The following RECK variants were observed in gnomAD, a reference collection of about 807,000 sequenced individuals.
RECK encodes the protein reversion inducing cysteine rich protein with kazal motifs, also known as reversion-inducing cysteine-rich protein with Kazal motifs.
A neutral mutation model predicts 115.1 loss-of-function variants in RECK; 69 were observed. That is an observed-to-expected ratio of 0.60 (90% CI 0.49 to 0.73). The LOEUF is 0.73. Ranked by LOEUF, RECK falls within the 30% of genes least tolerant of loss-of-function variation. The pLI is 0.00. For missense variants in RECK, 1,047 were observed against 1,203.7 expected (o/e 0.87, Z 1.93); for synonymous variants, 414 against 419.7 (o/e 0.99, Z 0.17).
intron 19 of RECK, 26 bp from the exon 20 acceptor site, chr9:36,121,507 A>G (rs767614605): frequency 5.0e-6 from 8 of 1,598,656 alleles, no homozygotes; most frequent in South Asian, 2.2e-5. Flanking sequence ...TCTTTTTTTC[A>G]GGTAATACAT....
intron 12 of RECK, among the ~76,000 whole-genome samples, chr9:36,104,193 A>G (rs1823669161): frequency 6.8e-6 from 1 of 147,236 alleles, no homozygotes; most frequent in Admixed American, 6.9e-5. Context: ...TATACCTGTC[A>G]TTTTTTATCC....
rs745747445 is a variant in RECK, at chr9:36,122,816, C to T, written c.2695-8C>T. ...TTTATATTAAGGGAACCTTGTTTCT[C>T]CTCACAGATTGAAGCCTGCAATAAA... On this transcript the variant is annotated splice_region_variant and splice_polypyrimidine_tract_variant and intron_variant, in intron 20 of 20. Transcript: ENST00000377966. 1 of 1,610,576 alleles carries T rather than the reference C, an allele frequency of 6.2e-7. No individual in the cohort carries two copies. The highest frequency in any genetic ancestry group is 1.1e-5 in the South Asian group (1 of 90,916).
intron 6 of RECK, among the ~76,000 whole-genome samples, chr9:36,068,253 A>G (rs1264788453): frequency 6.6e-6 from 1 of 152,252 alleles, no homozygotes. Context: ...GACTAGGATA[A>G]TAGTAATAGA....
rs753047480 is a variant in RECK, at chr9:36,109,966, C to G, written c.1775C>G (p.Thr592Arg). The change falls in exon 15 of 21, where the codon ACA becomes AGA. Residue 592 changes from threonine (T) to arginine (R), a missense_variant. Thr to Arg is a moderately conservative substitution (Grantham distance 71). Coordinates refer to ENST00000377966, the MANE Select transcript of RECK (RefSeq NM_021111.3). ...TTTCTGTTTCTGTCAGGTCATGGAACATCCTTTAGTATTGACTGCAATGTC... is the reference window on the plus strand; with the variant it reads ...TTTCTGTTTCTGTCAGGTCATGGAAGATCCTTTAGTATTGACTGCAATGTC... ...IVGGKRKSHG[T>R]SFSIDCNVCS... The G allele has an allele frequency of 6.2e-7, 1 of 1,612,064 alleles. No individual in the cohort carries two copies. Among genetic ancestry groups the G allele is most frequent in the Non-Finnish European group, 8.5e-7 (1 of 1,178,212 alleles).
chr9:36,112,578 G>A (rs1824099721), intron 16 of RECK, 102 bp downstream of exon 16: 11 of 1,240,144 alleles, frequency 8.9e-6, no homozygotes, highest in Admixed American at 6.2e-5. Flanking sequence ...TTAAGAAATC[G>A]CTGCTGCCCT....
intron 17 of RECK, among the ~76,000 whole-genome samples, chr9:36,118,085 G>A (rs10972732): frequency 0.074 from 11,258 of 152,268 alleles, 516 homozygotes; most frequent in South Asian, 0.18. Context: ...CCTAGCATCC[G>A]CTGCCCACAA....
intron 3 of RECK, among the ~76,000 whole-genome samples, chr9:36,059,387 C>T (rs61358051): frequency 0.014 from 2,051 of 150,290 alleles, 43 homozygotes; most frequent in African/African-American, 0.048. Flanking sequence ...ACCCAGGAGG[C>T]GGAGGTTGCA....
rs1588308379 is a variant in RECK at position 36,083,404 on chromosome 9, A to G, written c.479A>G (p.Asn160Ser). Residue 160 changes from asparagine (N) to serine (S), a missense_variant, in exon 8 of 21, where the codon AAC (asparagine) becomes AGC (serine). Physicochemically the swap from Asn to Ser is conservative, Grantham distance 46. Coordinates refer to ENST00000377966, the MANE Select transcript of RECK (RefSeq NM_021111.3). ...TGCAGTTATGCAGGTCATCACACAA[A>G]CTGCCGAGAATACTGTCAAGCCATT... ...VCCSYAGHHT[N>S]CREYCQAIFR... The G allele has an allele frequency of 6.2e-7, 1 of 1,613,878 alleles. No homozygotes were observed. Among genetic ancestry groups the G allele is most frequent in the African/African-American group, 1.3e-5 (1 of 74,890 alleles).
intron 6 of RECK, among the ~76,000 whole-genome samples, chr9:36,074,821 G>A (rs1564114242): frequency 6.6e-6 from 1 of 152,150 alleles, no homozygotes; most frequent in Non-Finnish European, 1.5e-5. Context: ...ATGTTGTATA[G>A]TAAACCATCC....
In RECK at chr9:36,083,526, T is replaced by A. The variant is rs1300781910; in HGVS notation, c.601T>A (p.Tyr201Asn). 1.2e-6 allele frequency: 2 copies of A among 1,613,756 alleles called. No homozygotes were observed. The highest frequency in any genetic ancestry group is 1.7e-6 in the Non-Finnish European group (2 of 1,179,876). Residue 201 changes from tyrosine (Y) to asparagine (N), a missense_variant, in exon 8 of 21, where the codon TAT (tyrosine) becomes AAT (asparagine). Transcript: ENST00000377966. ...SPQLIHCVNN[Y>N]TQSYPMRNPT... ...ACAATTAATACATTGTGTGAACAAT[T>A]ATACTCAATCTTATCCAATGAGGAA...
At chr9:36,065,522 C>T in intron 5 of RECK, 55 bp from the exon 6 acceptor site, 2 of 1,339,262 alleles carry the variant, frequency 1.5e-6, no homozygotes, top group Non-Finnish European at 2.0e-6. Flanking sequence ...GTTCTTTTTG[C>T]CCTGTGCTGA....
intron 16 of RECK, among the ~76,000 whole-genome samples, chr9:36,116,529 C>T (rs978495593): frequency 1.2e-4 from 18 of 152,250 alleles, no homozygotes; most frequent in African/African-American, 4.3e-4. Context: ...CCTCAGGCTC[C>T]AGCCTATCTC....
At chr9:36,092,468 T>G (rs1430885305) in intron 10 of RECK, among the ~76,000 whole-genome samples, 1 of 151,832 alleles carries the variant, frequency 6.6e-6, no homozygotes, top group Non-Finnish European at 1.5e-5. Flanking sequence ...GCCTCCTGGA[T>G]TCAAGCAATT....
intron 2 of RECK, among the ~76,000 whole-genome samples, chr9:36,058,181 C>T (rs867179068): frequency 6.6e-6 from 1 of 152,002 alleles, no homozygotes; most frequent in Non-Finnish European, 1.5e-5. Flanking sequence ...ATAAATCATG[C>T]TGCTATAAAG....
chr9:36,079,683 T>C (rs1248765592), intron 6 of RECK, among the ~76,000 whole-genome samples: 1 of 152,174 alleles, frequency 6.6e-6, no homozygotes, highest in African/African-American at 2.4e-5. Context: ...CAAAATCGTC[T>C]CGTTTCAACA....
In RECK at chr9:36,044,225, T is replaced by A. The variant is rs184027258; in HGVS notation, c.100+7127T>A. ...ATTCCTAAGTATTTTATTTTATTTT[T>A]TTTTTTTGCAGCTATTATAAAAGAG... On this transcript the variant is annotated intron_variant, in intron 1 of 20. Transcript: ENST00000377966. Among the ~76,000 whole-genome samples, 963 of 152,136 alleles carry A rather than the reference T, an allele frequency of 6.3e-3. 7 individuals carry two copies. The highest frequency in any genetic ancestry group is 0.019 in the African/African-American group (792 of 41,526).
rs762457689 is a variant in RECK at position 36,063,899 on chromosome 9, G to A, written c.357+19G>A. The A allele has an allele frequency of 4.3e-6, 7 of 1,610,438 alleles. No homozygotes were observed. The highest frequency in any genetic ancestry group is 1.6e-4 in the Middle Eastern group (1 of 6,074). On this transcript the variant is annotated intron_variant, in intron 5 of 20. Transcript: ENST00000377966. ...CAAGCAGGTAACACTGGGTAGTCAG[G>A]CTCTCAAACATCATGGAGTGCAGTT...
chr9:36,117,866 G>T (rs1209748651), intron 17 of RECK, among the ~76,000 whole-genome samples: 1 of 152,170 alleles, frequency 6.6e-6, no homozygotes, highest in African/African-American at 2.4e-5. Context: ...TGTAATCCCA[G>T]CTACTCAGGA....
At chr9:36,095,958 C>G (rs1045205332) in intron 10 of RECK, among the ~76,000 whole-genome samples, 2 of 149,394 alleles carry the variant, frequency 1.3e-5, no homozygotes, top group African/African-American at 4.9e-5. Context: ...CACCTGTAAA[C>G]TTGGGAGGCT....
Sources: allele counts gnomAD v4.1 joint callset (sites outside exome capture counted in the v4.1 genomes callset), GRCh38; gene constraint gnomAD v4.1.1; transcripts MANE v1.5; gene names NCBI Gene and HGNC (gene_info 2026-07-23, HGNC 2026-07-21).